Variants in HMCN1 observed in about 807,000 individuals in gnomAD.
The protein encoded by HMCN1 is hemicentin-1.
A neutral mutation model predicts 625.9 loss-of-function variants in HMCN1; 321 were observed. That is an observed-to-expected ratio of 0.51 (90% CI 0.47 to 0.56). HMCN1 has a LOEUF of 0.56. Among genes scored for constraint, HMCN1 ranks in the 20% least tolerant of loss-of-function variants. The pLI is 0.00. For missense variants in HMCN1, 6,588 were observed against 6,887.3 expected, an observed-to-expected ratio of 0.96 and a Z score of 1.54; for synonymous variants, 2,425 against 2,417.6, an observed-to-expected ratio of 1.00 and a Z score of -0.09.
rs781672541 is a variant in HMCN1, at chr1:186,136,808, C to T, written c.13453C>T (p.Arg4485Trp). The stretch of plus-strand genomic sequence containing the variant: ...AGGGCACTCTATTTCCTGGGATGAC[C>T]GGGTTAACGTGTTGTCCAACAACTC... Reference protein sequence around the residue: ...RQGHSISWDDRVNVLSNNSLY... With the variant: ...RQGHSISWDDWVNVLSNNSLY... Residue 4485 changes from arginine to tryptophan, a missense_variant, in exon 87 of 107, where the codon CGG (arginine) becomes TGG (tryptophan). Physicochemically the swap from Arg to Trp is moderately radical, Grantham distance 101. Transcript: ENST00000271588. 1.2e-5 allele frequency: 19 copies of T among 1,613,846 alleles called. 1 individual carries two copies. The Middle Eastern group carries it at 8.2e-4, about 70-fold the overall frequency.
At chr1:185,908,106 ATTAC>A (rs1666198602) in intron 4 of HMCN1, among the ~76,000 whole-genome samples, 1 of 151,978 alleles carries the variant, frequency 6.6e-6, no homozygotes, top group South Asian at 2.1e-4. Context: ...TGTGGTCATC[ATTAC>A]TTAGTACCTG....
chr1:186,119,912 A>C (rs763055341), intron 79 of HMCN1, 30 bp downstream of exon 79: 1 of 1,614,040 alleles, frequency 6.2e-7, no homozygotes, highest in Non-Finnish European at 8.5e-7. Context: ...TATCAAGAAA[A>C]TCATAGCACA....
In HMCN1 at chr1:185,962,568, T is replaced by A. The variant is rs1650102526; in HGVS notation, c.1879T>A (p.Ser627Thr). ...MPKNQSFTGG[S>T]EVSIMCSATG... ...CAAGAATCAGTCTTTCACAGGAGGGTCTGAGGTCTCCATCATGTGTTCTGC... is the reference window on the plus strand; with the variant it reads ...CAAGAATCAGTCTTTCACAGGAGGGACTGAGGTCTCCATCATGTGTTCTGC... Residue 627 changes from serine (S) to threonine (T), a missense_variant, in exon 12 of 107, where the codon TCT (serine) becomes ACT (threonine). Around this residue, in one of 3 missense-constraint regions of HMCN1, gnomAD observed 4,628 missense variants for 4,853.1 expected, o/e 0.95. Transcript: ENST00000271588. 2.5e-6 allele frequency: 4 copies of A among 1,610,398 alleles called. No individual in the cohort carries two copies. The highest frequency in any genetic ancestry group is 3.4e-6 in the Non-Finnish European group (4 of 1,176,712).
intron 11 of HMCN1, among the ~76,000 whole-genome samples, chr1:185,942,778 C>T (rs1184895327): frequency 6.6e-6 from 1 of 152,170 alleles, no homozygotes; most frequent in East Asian, 1.9e-4. Flanking sequence ...CAAAACTGCA[C>T]CTACTTTAAA....
chr1:185,846,657 G>T (rs1011479424), intron 2 of HMCN1, among the ~76,000 whole-genome samples: 6 of 152,026 alleles, frequency 3.9e-5, no homozygotes, highest in African/African-American at 1.4e-4. Flanking sequence ...TAAAAAATTG[G>T]CTTTTCCGAG....
intron 10 of HMCN1, among the ~76,000 whole-genome samples, chr1:185,932,416 T>A (rs995988099): frequency 3.3e-5 from 5 of 152,166 alleles, no homozygotes; most frequent in Admixed American, 1.3e-4. Flanking sequence ...AGGGATAAAG[T>A]TTGATCTTGA....
At chr1:185,862,993 A>G (rs1662965933) in intron 2 of HMCN1, among the ~76,000 whole-genome samples, 2 of 152,232 alleles carry the variant, frequency 1.3e-5, no homozygotes, top group South Asian at 2.1e-4. Context: ...CAGGCTAGCT[A>G]CATTGTAAAC....
intron 69 of HMCN1, 36 bp downstream of exon 69, chr1:186,103,704 G>A (rs751120353): frequency 2.6e-6 from 4 of 1,562,760 alleles, no homozygotes; most frequent in Non-Finnish European, 2.6e-6. Flanking sequence ...TTTTAGGTTA[G>A]GTCAAACTTC....
intron 2 of HMCN1, among the ~76,000 whole-genome samples, chr1:185,859,295 C>G (rs1379531574): frequency 6.6e-6 from 1 of 152,010 alleles, no homozygotes; most frequent in Non-Finnish European, 1.5e-5. Context: ...AAGACTTAAT[C>G]AAAGCAACAA....
intron 15 of HMCN1, among the ~76,000 whole-genome samples, chr1:185,971,988 A>T (rs1326858306): frequency 6.6e-6 from 1 of 152,232 alleles, no homozygotes; most frequent in Non-Finnish European, 1.5e-5. Context: ...CTAGCAAGCA[A>T]GATGTAAAAC....
At chr1:186,161,449 T>C (rs1299709835) in intron 97 of HMCN1, among the ~76,000 whole-genome samples, 2 of 151,886 alleles carry the variant, frequency 1.3e-5, no homozygotes, top group Non-Finnish European at 2.9e-5. Context: ...ATGTGTGAAT[T>C]TGAACCTGTC....
intron 1 of HMCN1, among the ~76,000 whole-genome samples, chr1:185,770,074 AT>A (rs1656136671): frequency 1.3e-5 from 2 of 152,134 alleles, no homozygotes; most frequent in East Asian, 3.9e-4. Flanking sequence ...AGTTCCAGCT[AT>A]TTTTGCAATC....
chr1:186,065,889 T>C (rs576864906), intron 49 of HMCN1, among the ~76,000 whole-genome samples: 3 of 152,310 alleles, frequency 2.0e-5, no homozygotes, highest in African/African-American at 7.2e-5. Context: ...TTAAAATAGA[T>C]TTTTAACTTG....
intron 1 of HMCN1, among the ~76,000 whole-genome samples, chr1:185,755,945 G>C (rs1006231791): frequency 1.3e-5 from 2 of 152,012 alleles, no homozygotes; most frequent in African/African-American, 4.8e-5. Flanking sequence ...TGCAGTGGCT[G>C]TTTACAGTTG....
intron 3 of HMCN1, 52 bp from the exon 4 acceptor site, chr1:185,865,689 T>C: frequency 6.5e-7 from 1 of 1,542,302 alleles, no homozygotes; most frequent in Non-Finnish European, 8.9e-7. Flanking sequence ...ACACATATTT[T>C]TTTATTTCTG....
chr1:186,026,155 T>C (rs1041858535), intron 36 of HMCN1, among the ~76,000 whole-genome samples: 1 of 152,194 alleles, frequency 6.6e-6, no homozygotes, highest in Non-Finnish European at 1.5e-5. Context: ...CTTCAATACT[T>C]GCATTTATAA....
chr1:186,017,804 G>A (rs1456117586), intron 33 of HMCN1, among the ~76,000 whole-genome samples: 1 of 151,814 alleles, frequency 6.6e-6, no homozygotes, highest in Non-Finnish European at 1.5e-5. Flanking sequence ...TTGGTACATA[G>A]TGGGTGTATA....
At chr1:186,171,550 A>G in intron 101 of HMCN1, 100 bp downstream of exon 101, 1 of 931,414 alleles carries the variant, frequency 1.1e-6, no homozygotes, top group Non-Finnish European at 1.8e-6. Flanking sequence ...TGGTTCCTAT[A>G]TAGGACATCA....
At chr1:185,782,992 G>A (rs895304785) in intron 1 of HMCN1, among the ~76,000 whole-genome samples, 18 of 152,222 alleles carry the variant, frequency 1.2e-4, no homozygotes, top group African/African-American at 3.9e-4. Context: ...CCAATCAGAC[G>A]CACATTTGGT....
Sources: gnomAD v4.1 joint callset for allele counts (sites outside exome capture counted in the v4.1 genomes callset) on GRCh38, gnomAD v4.1.1 for gene constraint, gnomAD v4.1.1 regional missense constraint, MANE v1.5 for transcripts, NCBI Gene and HGNC (gene_info 2026-07-23, HGNC 2026-07-21) for gene names.